Variants in GRIA4 observed in about 807,000 individuals in gnomAD.
The protein encoded by GRIA4 is glutamate ionotropic receptor AMPA type subunit 4.
In GRIA4, 34 loss-of-function variants were observed where a neutral mutation model predicts 104.0. The ratio of observed to expected loss-of-function variants is 0.33; its 90% CI spans 0.25 to 0.44. GRIA4 has a LOEUF of 0.44. GRIA4 is among the 20% of genes least tolerant of loss of function. GRIA4 has a pLI of 1.00. For synonymous variants in GRIA4, 386 were observed against 381.9 expected (o/e 1.01, Z -0.13); for missense variants, 750 against 1,096.5 (o/e 0.68, Z 4.46).
At chr11:105,813,010 C>T (rs552142508) in intron 4 of GRIA4, among the ~76,000 whole-genome samples, 6 of 141,038 alleles carry the variant, frequency 4.3e-5, no homozygotes, top group South Asian at 4.6e-4. Context: ...AGGAAAATGG[C>T]GTGAACCTGG....
chr11:105,925,134 CCT>C (rs1947669725), intron 12 of GRIA4, among the ~76,000 whole-genome samples: 1 of 151,988 alleles, frequency 6.6e-6, no homozygotes, highest in South Asian at 2.1e-4. Context: ...GCAATTTTTT[CCT>C]ACTATTGTTG....
chr11:105,948,595 G>GTTTTTTTTTT (rs3060323), intron 14 of GRIA4, among the ~76,000 whole-genome samples: 3 of 87,862 alleles, frequency 3.4e-5, no homozygotes, highest in African/African-American at 4.6e-5. Flanking sequence ...TTTTCTTTTT[G>GTTTTTTTTTT]TTTTTTTTTT....
intron 3 of GRIA4, among the ~76,000 whole-genome samples, chr11:105,652,421 C>T (rs993437726): frequency 6.6e-6 from 1 of 152,148 alleles, no homozygotes; most frequent in African/African-American, 2.4e-5. Context: ...TTAACACAGG[C>T]TTCCAGTGTA....
chr11:105,832,630 A>C (rs1944017224), intron 4 of GRIA4, among the ~76,000 whole-genome samples: 1 of 151,892 alleles, frequency 6.6e-6, no homozygotes, highest in Admixed American at 6.6e-5. Flanking sequence ...TTCTGTTTCC[A>C]CTGAGCCGCT....
intron 3 of GRIA4, among the ~76,000 whole-genome samples, chr11:105,724,590 A>T (rs1299689760): frequency 6.6e-6 from 1 of 152,154 alleles, no homozygotes; most frequent in Non-Finnish European, 1.5e-5. Context: ...AATAGTGTGT[A>T]TACATGGACA....
At chr11:105,686,381 A>G (rs1352650965) in intron 3 of GRIA4, among the ~76,000 whole-genome samples, 1 of 152,194 alleles carries the variant, frequency 6.6e-6, no homozygotes, top group African/African-American at 2.4e-5. Flanking sequence ...AGCTGCATCT[A>G]TGTTGCTGCA....
At chr11:105,900,905 G>A (rs772154262) in intron 7 of GRIA4, among the ~76,000 whole-genome samples, 3 of 151,648 alleles carry the variant, frequency 2.0e-5, no homozygotes, top group Non-Finnish European at 2.9e-5. Flanking sequence ...ACCACAGCAG[G>A]GTGATTACAA....
chr11:105,632,707 G>T (rs190598915), intron 3 of GRIA4, among the ~76,000 whole-genome samples: 35 of 152,254 alleles, frequency 2.3e-4, no homozygotes, highest in African/African-American at 6.7e-4. Flanking sequence ...GCTGAGGCAG[G>T]CAGAACACTT....
At chr11:105,623,090 T>TATAC (rs1377161261) in intron 3 of GRIA4, among the ~76,000 whole-genome samples, 2 of 123,152 alleles carry the variant, frequency 1.6e-5, no homozygotes, top group African/African-American at 5.7e-5. Flanking sequence ...TATATATATA[T>TATAC]ACCATATTTT....
intron 3 of GRIA4, among the ~76,000 whole-genome samples, chr11:105,713,242 G>A (rs1953976003): frequency 6.6e-6 from 1 of 151,934 alleles, no homozygotes; most frequent in Non-Finnish European, 1.5e-5. Flanking sequence ...AATTAGCTGG[G>A]CGTCGTGGTG....
chr11:105,632,399 T>A (rs977550105), intron 3 of GRIA4, among the ~76,000 whole-genome samples: 1 of 152,170 alleles, frequency 6.6e-6, no homozygotes, highest in African/African-American at 2.4e-5. Context: ...TCTGTCCCCA[T>A]TTTTTTCATT....
intron 4 of GRIA4, among the ~76,000 whole-genome samples, chr11:105,809,217 T>C (rs1469661954): frequency 6.6e-6 from 1 of 152,120 alleles, no homozygotes; most frequent in Non-Finnish European, 1.5e-5. Flanking sequence ...TTCTAATCTG[T>C]TTTTATTTTC....
chr11:105,621,873 T>C (rs903919922), intron 3 of GRIA4, among the ~76,000 whole-genome samples: 3 of 151,906 alleles, frequency 2.0e-5, no homozygotes, highest in African/African-American at 7.2e-5. Context: ...ATCAGTTTTT[T>C]GAATCTTTAC....
At chr11:105,641,312 C>A (rs987878895) in intron 3 of GRIA4, among the ~76,000 whole-genome samples, 8 of 152,158 alleles carry the variant, frequency 5.3e-5, no homozygotes, top group African/African-American at 1.9e-4. Context: ...AACTTAAATT[C>A]TTCTATTGCA....
intron 4 of GRIA4, among the ~76,000 whole-genome samples, chr11:105,847,464 C>T (rs192498746): frequency 1.6e-4 from 24 of 152,212 alleles, no homozygotes; most frequent in Admixed American, 8.5e-4. Context: ...GAAACATATT[C>T]CATAAAAAAC....
intron 6 of GRIA4, among the ~76,000 whole-genome samples, chr11:105,888,271 C>CTTTTTTTTTTTTTTTTTTT (rs71469040): frequency 1.8e-5 from 1 of 54,560 alleles, no homozygotes; most frequent in Non-Finnish European, 3.0e-5. Context: ...ATGTTTTCTC[C>CTTTTTTTTTTTTTTTTTTT]TTTTTTTTTT....
At chr11:105,826,922 A>G (rs543262981) in intron 4 of GRIA4, among the ~76,000 whole-genome samples, 7 of 152,164 alleles carry the variant, frequency 4.6e-5, no homozygotes, top group African/African-American at 1.7e-4. Context: ...CCTTCTCATT[A>G]ATAGGCAATA....
At chr11:105,734,983 TATTAA>T (rs1206946909) in intron 3 of GRIA4, among the ~76,000 whole-genome samples, 1 of 152,188 alleles carries the variant, frequency 6.6e-6, no homozygotes, top group East Asian at 1.9e-4. Context: ...GCCACGATGA[TATTAA>T]ATACTATCAT....
At chr11:105,680,339 A>G (rs1031274849) in intron 3 of GRIA4, among the ~76,000 whole-genome samples, 1 of 152,052 alleles carries the variant, frequency 6.6e-6, no homozygotes, top group African/African-American at 2.4e-5. Flanking sequence ...GAATAGTACC[A>G]TATATTGGAT....
Sources: gnomAD v4.1 joint callset for allele counts (sites outside exome capture counted in the v4.1 genomes callset) on GRCh38, gnomAD v4.1.1 for gene constraint, MANE v1.5 for transcripts, NCBI Gene and HGNC (gene_info 2026-07-23, HGNC 2026-07-21) for gene names.